Variants in DNAH14 observed in about 807,000 individuals in gnomAD.
The protein encoded by DNAH14 is axonemal beta dynein heavy chain 14.
In DNAH14, 478 loss-of-function variants were observed where a neutral mutation model predicts 520.9. That is an observed-to-expected ratio of 0.92 (90% CI 0.85 to 0.99). The LOEUF (loss-of-function observed/expected upper bound fraction) is 0.99. Among genes scored for constraint, DNAH14 ranks in the 50% least tolerant of loss-of-function variants. The pLI, the probability that DNAH14 is intolerant of heterozygous loss-of-function variation, is 0.00. For missense variants in DNAH14, 4,831 were observed against 5,234.5 expected, an observed-to-expected ratio of 0.92 and a Z score of 2.38; for synonymous variants, 1,581 against 1,757.2, an observed-to-expected ratio of 0.90 and a Z score of 2.51.
chr1:224,971,967 T>C (rs1364515290), intron 7 of DNAH14, among the ~76,000 whole-genome samples: 1 of 152,216 alleles, frequency 6.6e-6, no homozygotes, highest in Non-Finnish European at 1.5e-5. Flanking sequence ...ATTTAAGATA[T>C]TATCCAAAGT....
Position 225,365,225 on chromosome 1 carries a change from T to C in DNAH14, c.12090+331T>C, listed in dbSNP as rs569143800. Among the ~76,000 whole-genome samples, 9 of 152,348 alleles carry C rather than the reference T, an allele frequency of 5.9e-5. No homozygotes were observed. The East Asian group carries it at 1.7e-3, about 29-fold the overall frequency. Reference sequence around the variant, plus strand: ...TTATTTCTGCCCTACTTAACCGTTTTATTATTAATTCTCTAGAAAGGGTCT... The same window carrying C: ...TTATTTCTGCCCTACTTAACCGTTTCATTATTAATTCTCTAGAAAGGGTCT... On this transcript the variant is annotated intron_variant, in intron 76 of 85. Coordinates refer to ENST00000682510, the MANE Select transcript of DNAH14 (RefSeq NM_001367479.1).
chr1:225,279,272 G>T (rs757750541), intron 54 of DNAH14, among the ~76,000 whole-genome samples: 7 of 152,188 alleles, frequency 4.6e-5, no homozygotes, highest in Non-Finnish European at 5.9e-5. Context: ...CTCCCAAAGT[G>T]CTGGGATTAC....
chr1:225,198,250 C>G (rs537891317), intron 38 of DNAH14, among the ~76,000 whole-genome samples: 2 of 150,600 alleles, frequency 1.3e-5, no homozygotes, highest in South Asian at 4.2e-4. Flanking sequence ...TGGAGTCTCA[C>G]TGTGTTGCCC....
At chr1:225,391,973 A>G (rs2095920456) in intron 83 of DNAH14, among the ~76,000 whole-genome samples, 1 of 152,114 alleles carries the variant, frequency 6.6e-6, no homozygotes, top group African/African-American at 2.4e-5. Flanking sequence ...AGGCATGATC[A>G]TCGGCCAAGA....
chr1:225,229,240 G>A (rs772721248), intron 41 of DNAH14, among the ~76,000 whole-genome samples: 14 of 152,098 alleles, frequency 9.2e-5, no homozygotes, highest in East Asian at 1.9e-4. Context: ...TTCATCCGTC[G>A]CTCAACCAGA....
intron 21 of DNAH14, among the ~76,000 whole-genome samples, chr1:225,092,274 A>T (rs3120991): frequency 0.32 from 48,953 of 151,514 alleles, 13,857 homozygotes; most frequent in African/African-American, 0.76. Flanking sequence ...TTCTCATATG[A>T]ACATGGCACA....
At chr1:225,382,636 C>T (rs2095796302) in intron 81 of DNAH14, among the ~76,000 whole-genome samples, 1 of 151,922 alleles carries the variant, frequency 6.6e-6, no homozygotes, top group Non-Finnish European at 1.5e-5. Flanking sequence ...ATTGCTTGAA[C>T]CCAGAAGGCA....
intron 1 of DNAH14, among the ~76,000 whole-genome samples, chr1:224,930,799 C>T (rs1016562961): frequency 1.3e-5 from 2 of 152,136 alleles, no homozygotes; most frequent in African/African-American, 4.8e-5. Flanking sequence ...GGGGCTTCAC[C>T]GTGTTAGCCA....
chr1:225,174,811 G>A (rs1215262281), intron 36 of DNAH14, among the ~76,000 whole-genome samples: 1 of 152,150 alleles, frequency 6.6e-6, no homozygotes, highest in Non-Finnish European at 1.5e-5. Context: ...CTGTGGGTTT[G>A]TCGTATATTC....
At chr1:225,116,582 G>A (rs1289078263) in intron 23 of DNAH14, among the ~76,000 whole-genome samples, 10 of 152,116 alleles carry the variant, frequency 6.6e-5, no homozygotes, top group Admixed American at 6.6e-4. Context: ...TGTAGATCCA[G>A]GGCAGAGAGA....
chr1:225,194,585 G>A (rs1275430115), intron 38 of DNAH14, among the ~76,000 whole-genome samples: 1 of 151,348 alleles, frequency 6.6e-6, no homozygotes, highest in East Asian at 1.9e-4. Flanking sequence ...AAGAAACCTA[G>A]GAAAATCATT....
intron 27 of DNAH14, among the ~76,000 whole-genome samples, chr1:225,129,586 A>C (rs182563295): frequency 6.0e-4 from 91 of 152,322 alleles, no homozygotes; most frequent in African/African-American, 2.1e-3. Context: ...CCTATTTAAT[A>C]AATGGTGCTG....
chr1:225,222,112 T>G (rs2090098064), intron 41 of DNAH14, among the ~76,000 whole-genome samples: 1 of 152,192 alleles, frequency 6.6e-6, no homozygotes, highest in Non-Finnish European at 1.5e-5. Flanking sequence ...AGCCAGAGTT[T>G]GCAGGACAGA....
intron 11 of DNAH14, among the ~76,000 whole-genome samples, chr1:225,035,364 C>T (rs934633313): frequency 4.6e-5 from 7 of 151,952 alleles, no homozygotes; most frequent in African/African-American, 7.2e-5. Flanking sequence ...CAAAAACCAA[C>T]CCTTTGTTTC....
intron 36 of DNAH14, among the ~76,000 whole-genome samples, chr1:225,184,211 A>G (rs1412594522): frequency 6.6e-6 from 1 of 152,244 alleles, no homozygotes; most frequent in Non-Finnish European, 1.5e-5. Flanking sequence ...TAAATCCAGC[A>G]GGACATCAAA....
chr1:225,170,105 A>T (rs1167082464), intron 36 of DNAH14, among the ~76,000 whole-genome samples: 1 of 152,210 alleles, frequency 6.6e-6, no homozygotes, highest in East Asian at 1.9e-4. Context: ...GCCCTACAAG[A>T]GCTCCTGAAG....
intron 8 of DNAH14, among the ~76,000 whole-genome samples, chr1:224,984,745 A>C (rs531067492): frequency 2.0e-4 from 30 of 152,284 alleles, no homozygotes; most frequent in African/African-American, 7.2e-4. Flanking sequence ...AATATCCAGA[A>C]TCTACAATGA....
intron 56 of DNAH14, among the ~76,000 whole-genome samples, chr1:225,302,704 TTAGCTGTAATCCCTTAGCTG>T (rs1249610503): frequency 6.7e-6 from 1 of 149,630 alleles, no homozygotes; most frequent in Non-Finnish European, 1.5e-5. Flanking sequence ...CTCATGTTGC[TTAGCTGTAATCCCTTAGCTG>T]TAGGAGTTTT....
At position 225,196,607 on chromosome 1, in the gene DNAH14, G is replaced by C. The variant is rs534017475; in HGVS notation, c.5886+3696G>C. Among the ~76,000 whole-genome samples, 3 of 152,200 alleles carry C rather than the reference G, an allele frequency of 2.0e-5. No homozygotes were observed. The South Asian group carries it at 6.2e-4, about 32-fold the overall frequency. ...AAATCTCCACACTGTTTTCCACAGT[G>C]GTTGTACTAGTTTACATTCCCACCA... On this transcript the variant is annotated intron_variant, in intron 38 of 85. Coordinates refer to ENST00000682510, the MANE Select transcript of DNAH14 (RefSeq NM_001367479.1).
Sources: allele counts gnomAD v4.1 joint callset (sites outside exome capture counted in the v4.1 genomes callset), GRCh38; gene constraint gnomAD v4.1.1; transcripts MANE v1.5; gene names NCBI Gene and HGNC (gene_info 2026-07-23, HGNC 2026-07-21).